PSPC1: variants seen among roughly 807,000 people sequenced by gnomAD.
PSPC1 encodes the protein paraspeckle protein 1.
PSPC1 carries 14 observed loss-of-function variants against 51.6 expected under a neutral mutation model. The ratio of observed to expected loss-of-function variants is 0.27; its 90% CI spans 0.18 to 0.42. The LOEUF (loss-of-function observed/expected upper bound fraction) is 0.42. Ranked by LOEUF, PSPC1 falls within the 10% of genes least tolerant of loss-of-function variation. PSPC1 has a pLI of 1.00. For synonymous variants in PSPC1, 193 were observed against 231.9 expected, an observed-to-expected ratio of 0.83 and a Z score of 1.53; for missense variants, 406 against 701.1, an observed-to-expected ratio of 0.58 and a Z score of 4.75.
At chr13:19,687,477 T>C (rs2137622202) in intron 6 of PSPC1, among the ~76,000 whole-genome samples, 1 of 152,300 alleles carries the variant, frequency 6.6e-6, no homozygotes, top group South Asian at 2.1e-4. Context: ...AATTGTTGCT[T>C]ACTCTACTGA....
downstream of PSPC1, among the ~76,000 whole-genome samples, chr13:19,674,144 G>A (rs1332969643): frequency 3.3e-5 from 5 of 152,130 alleles, no homozygotes; most frequent in Non-Finnish European, 5.9e-5. Flanking sequence ...TGTCTACTTG[G>A]GTAAGGACAA....
chr13:19,682,486 CAA>C (rs138769031), intron 6 of PSPC1, among the ~76,000 whole-genome samples: 51,566 of 98,204 alleles, frequency 0.53, 12,214 homozygotes, highest in East Asian at 0.72. Flanking sequence ...GGCTGAATGG[CAA>C]AAAAAAAAAA....
At chr13:19,677,125 C>T (rs1317556670) in intron 7 of PSPC1, among the ~76,000 whole-genome samples, 2 of 151,136 alleles carry the variant, frequency 1.3e-5, no homozygotes, top group Admixed American at 6.6e-5. Context: ...CCCAGCTACT[C>T]GGGAGGCTGA....
At chr13:19,728,096 C>T (rs1211446663) in intron 6 of PSPC1, among the ~76,000 whole-genome samples, 1 of 151,890 alleles carries the variant, frequency 6.6e-6, no homozygotes. Flanking sequence ...AAATATATTC[C>T]CATGTGTCAT....
chr13:19,724,863 G>C lies in PSPC1; in HGVS notation c.1158+5376C>G, dbSNP rs560361569. Among the ~76,000 whole-genome samples, 307 of 152,266 alleles carry C rather than the reference G, an allele frequency of 2.0e-3. 11 individuals carry two copies. In the South Asian group the frequency reaches 0.053, roughly 26 times the overall value. On this transcript the variant is annotated intron_variant, in intron 6 of 8. Coordinates refer to ENST00000338910, the MANE Select transcript of PSPC1 (RefSeq NM_001354909.2). ...AAAATACAAAAATTACCCAGGCGTGGTGGCGCACGCCTGTAGTCCCAGCTA... is the reference window on the plus strand; with the variant it reads ...AAAATACAAAAATTACCCAGGCGTGCTGGCGCACGCCTGTAGTCCCAGCTA...
intron 6 of PSPC1, among the ~76,000 whole-genome samples, chr13:19,695,128 T>C (rs536730190): frequency 4.6e-5 from 7 of 152,278 alleles, no homozygotes; most frequent in Admixed American, 1.3e-4. Context: ...AGAAAAGAAA[T>C]AGAAACTGGC....
chr13:19,713,937 G>A (rs1246729098), intron 6 of PSPC1, among the ~76,000 whole-genome samples: 1 of 152,108 alleles, frequency 6.6e-6, no homozygotes, highest in Non-Finnish European at 1.5e-5. Context: ...ACATTTAATG[G>A]TGCGAAAGTA....
rs9508887 is a variant in PSPC1, at chr13:19,782,801, T to C, written c.-44A>G. 2.0e-6 allele frequency: 3 copies of C among 1,491,326 alleles called. No individual in the cohort carries two copies. The highest frequency in any genetic ancestry group is 1.8e-6 in the Non-Finnish European group (2 of 1,138,144). 92.4% of individuals were successfully genotyped at this position (1,491,326 alleles called of 1,614,324 possible). On this transcript the variant is annotated 5_prime_UTR_variant, in exon 1 of 9. Transcript: ENST00000338910. This position sits in a 1 kb window ranked among gnomAD's most constrained non-coding sequence, Gnocchi z 4.5. ...GACACCGGATACAGGCCTAGATTTA[T>C]AGACAGTGTGTCTATATATATGTAT... is the stretch of plus-strand genomic sequence containing the variant.
chr13:19,707,105 A>C (rs1267819821), intron 7 of PSPC1, among the ~76,000 whole-genome samples: 1 of 152,100 alleles, frequency 6.6e-6, no homozygotes, highest in Non-Finnish European at 1.5e-5. Flanking sequence ...CAGAAAACAA[A>C]CTAAGTTTCT....
At chr13:19,750,614 T>C (rs1434394572) in intron 4 of PSPC1, among the ~76,000 whole-genome samples, 1 of 152,068 alleles carries the variant, frequency 6.6e-6, no homozygotes, top group Non-Finnish European at 1.5e-5. Flanking sequence ...TTGTCCAAAT[T>C]CTTCTCATCA....
chr13:19,717,705 CAAAAAAA>C (rs780984201), intron 6 of PSPC1, among the ~76,000 whole-genome samples: 27 of 72,252 alleles, frequency 3.7e-4, no homozygotes, highest in South Asian at 9.6e-4. Flanking sequence ...GACTCTGTCT[CAAAAAAA>C]AAAAAAAAAA....
At chr13:19,699,407 T>A (rs1158836580), downstream of PSPC1, 3 of 151,956 alleles carry the variant, frequency 2.0e-5, no homozygotes, top group Admixed American at 6.6e-5. Context: ...TACTTCATTT[T>A]ACACCACCAG....
At chr13:19,714,540 G>GC (rs1881855251) in intron 6 of PSPC1, among the ~76,000 whole-genome samples, 1 of 150,086 alleles carries the variant, frequency 6.7e-6, no homozygotes, top group Non-Finnish European at 1.5e-5. Flanking sequence ...CTGTTGCCCA[G>GC]GCTGGGGTGC....
At chr13:19,679,247 CA>C (rs1268419540) in intron 6 of PSPC1, 1 of 152,268 alleles carries the variant, frequency 6.6e-6, no homozygotes, top group African/African-American at 2.4e-5. Context: ...GTAATCCCAG[CA>C]CTTTGAGAGG....
chr13:19,719,135 T>C (rs1209068984), intron 6 of PSPC1, among the ~76,000 whole-genome samples: 8 of 149,932 alleles, frequency 5.3e-5, no homozygotes, highest in African/African-American at 1.7e-4. Context: ...CGTGTCAATG[T>C]AGCTTCAGCA....
chr13:19,688,744 C>T (rs907447018), intron 6 of PSPC1, among the ~76,000 whole-genome samples: 1 of 152,092 alleles, frequency 6.6e-6, no homozygotes, highest in Non-Finnish European at 1.5e-5. Flanking sequence ...ATGACTCGAG[C>T]GTCTACTAAC....
intron 3 of PSPC1, among the ~76,000 whole-genome samples, chr13:19,753,500 G>A (rs1886774911): frequency 3.3e-5 from 5 of 152,250 alleles, no homozygotes; most frequent in South Asian, 2.1e-4. Flanking sequence ...AAAGTGCTGG[G>A]ATTACAGGTG....
intron 6 of PSPC1, among the ~76,000 whole-genome samples, chr13:19,690,530 AG>A (rs1878425733): frequency 6.6e-6 from 1 of 152,236 alleles, no homozygotes; most frequent in African/African-American, 2.4e-5. Context: ...AAACTCAATT[AG>A]AAAAAGCCTA....
At chr13:19,716,579 G>GA (rs1338258916) in intron 6 of PSPC1, among the ~76,000 whole-genome samples, 1 of 152,010 alleles carries the variant, frequency 6.6e-6, no homozygotes, top group Non-Finnish European at 1.5e-5. Context: ...AATTGTCCAG[G>GA]AATCACCACA....
Sources: allele counts gnomAD v4.1 joint callset (sites outside exome capture counted in the v4.1 genomes callset), GRCh38; gene constraint gnomAD v4.1.1; non-coding constraint Gnocchi (gnomAD v3.1); transcripts MANE v1.5; gene names NCBI Gene and HGNC (gene_info 2026-07-23, HGNC 2026-07-21).